Variants in BMP6 observed in about 807,000 individuals in gnomAD.
BMP6 encodes the protein bone morphogenetic protein 6, also known as VG-1-R.
A neutral mutation model predicts 54.1 loss-of-function variants in BMP6; 17 were observed. The ratio of observed to expected loss-of-function variants is 0.31; its 90% CI spans 0.22 to 0.47. The LOEUF is 0.47. Ranked by LOEUF, BMP6 falls within the 20% of genes least tolerant of loss-of-function variation. BMP6 has a pLI of 1.00. For missense variants in BMP6, 720 were observed against 690.4 expected, an observed-to-expected ratio of 1.04 and a Z score of -0.48; for synonymous variants, 328 against 291.2, an observed-to-expected ratio of 1.13 and a Z score of -1.28.
rs755894743 is a variant in BMP6 at position 7,807,913 on chromosome 6, CTTTTT to C, written c.665-37206_665-37202del. On this transcript the variant is annotated intron_variant, in intron 1 of 6. Coordinates refer to ENST00000283147, the MANE Select transcript of BMP6 (RefSeq NM_001718.6). Reference sequence around the variant, plus strand: ...TTGTATTACTAACGGGAAGTCTTTACTTTTTTTTTTTTTTTTTTTTTTTTTGAGAC... The same window carrying C: ...TTGTATTACTAACGGGAAGTCTTTACTTTTTTTTTTTTTTTTTTTTGAGAC... Among the ~76,000 whole-genome samples, 90 of 81,480 alleles carry C rather than the reference CTTTTT, an allele frequency of 1.1e-3. 1 individual carries two copies. Among genetic ancestry groups the C allele is most frequent in the Non-Finnish European group, 1.5e-3 (65 of 44,040 alleles). 53.5% of individuals were successfully genotyped at this position (81,480 alleles called of 152,430 possible).
chr6:7,787,514 A>G (rs1472731332), intron 1 of BMP6, among the ~76,000 whole-genome samples: 1 of 152,236 alleles, frequency 6.6e-6, no homozygotes, highest in Non-Finnish European at 1.5e-5. Context: ...GGCTGCAAAA[A>G]AAGCTCGAAG....
intron 1 of BMP6, among the ~76,000 whole-genome samples, chr6:7,818,656 C>T (rs1406831656): frequency 6.6e-6 from 1 of 152,228 alleles, no homozygotes; most frequent in African/African-American, 2.4e-5. Flanking sequence ...ACAAAGCCAG[C>T]ACATTGGCTC....
chr6:7,790,238 G>T (rs1365152175), intron 1 of BMP6, among the ~76,000 whole-genome samples: 2 of 152,108 alleles, frequency 1.3e-5, no homozygotes, highest in Non-Finnish European at 2.9e-5. Flanking sequence ...CACAAGGCTG[G>T]GTGCAGTGGC....
chr6:7,820,259 C>T (rs1758586097), intron 1 of BMP6, among the ~76,000 whole-genome samples: 1 of 152,160 alleles, frequency 6.6e-6, no homozygotes, highest in African/African-American at 2.4e-5. Context: ...AAGGTTTGCT[C>T]TCTTTTGTTT....
chr6:7,880,220 C>A lies in BMP6; in HGVS notation c.1419C>A (p.Val473=). 1 of 1,614,170 alleles carries A rather than the reference C, an allele frequency of 6.2e-7. No individual in the cohort carries two copies. Among genetic ancestry groups the A allele is most frequent in the East Asian group, 2.2e-5 (1 of 44,886 alleles). ...TLVHLMNPEY[V]PKPCCAPTKL... ...TTCACCTTATGAACCCCGAGTATGTCCCCAAACCGTGCTGTGCGCCAACTA... is the reference window on the plus strand; with the variant it reads ...TTCACCTTATGAACCCCGAGTATGTACCCAAACCGTGCTGTGCGCCAACTA... Residue 473 remains valine, a synonymous_variant, in exon 7 of 7, where the codon GTC becomes GTA. Transcript: ENST00000283147.
At chr6:7,863,144 G>C (rs1347799279) in intron 4 of BMP6, among the ~76,000 whole-genome samples, 1 of 152,064 alleles carries the variant, frequency 6.6e-6, no homozygotes, top group Non-Finnish European at 1.5e-5. Context: ...GACTACAAGT[G>C]CCTGCCACCA....
intron 1 of BMP6, among the ~76,000 whole-genome samples, chr6:7,775,346 G>A (rs968560020): frequency 3.3e-5 from 5 of 152,190 alleles, no homozygotes; most frequent in Non-Finnish European, 7.3e-5. Context: ...AGTGAATGTT[G>A]AAGGTCACAG....
At chr6:7,735,137 C>T (rs377272281) in intron 1 of BMP6, among the ~76,000 whole-genome samples, 9 of 152,350 alleles carry the variant, frequency 5.9e-5, no homozygotes, top group South Asian at 2.1e-4. Context: ...CCCCGGAGCC[C>T]GCTCCACCCT....
intron 2 of BMP6, among the ~76,000 whole-genome samples, chr6:7,856,062 A>G (rs1759226411): frequency 6.9e-6 from 1 of 145,444 alleles, no homozygotes; most frequent in South Asian, 2.2e-4. Context: ...TTGATATTTG[A>G]AACGTCTCTT....
At chr6:7,822,816 G>A (rs1016496229) in intron 1 of BMP6, among the ~76,000 whole-genome samples, 5 of 151,752 alleles carry the variant, frequency 3.3e-5, no homozygotes, top group African/African-American at 1.2e-4. Context: ...AGAGTGTTTT[G>A]GATCTTAAGC....
chr6:7,838,668 C>G (rs1020660246), intron 1 of BMP6, among the ~76,000 whole-genome samples: 1 of 152,092 alleles, frequency 6.6e-6, no homozygotes, highest in Non-Finnish European at 1.5e-5. Context: ...GCTGGCTGGG[C>G]GCGGTGGCTC....
rs563716495 is a variant in BMP6, at chr6:7,810,580, AT to A, written c.665-34559del. Among the ~76,000 whole-genome samples the A allele has an allele frequency of 9.8e-5, 15 of 152,338 alleles. No individual in the cohort carries two copies. The East Asian group carries it at 2.7e-3, about 27-fold the overall frequency. On this transcript the variant is annotated intron_variant, in intron 1 of 6. Transcript: ENST00000283147. ...TGTACTTGGGTAGCTCATGGTATTC[AT>A]ATTTGTCTTAGATCTTTCTTCCTTG... is the stretch of plus-strand genomic sequence containing the variant.
chr6:7,848,531 C>CA (rs1271182188), intron 2 of BMP6, among the ~76,000 whole-genome samples: 5 of 152,152 alleles, frequency 3.3e-5, no homozygotes, highest in Non-Finnish European at 4.4e-5. Flanking sequence ...CCCTGCCTGT[C>CA]AAAGTACCCT....
intron 1 of BMP6, among the ~76,000 whole-genome samples, chr6:7,836,507 G>A (rs1758879048): frequency 1.3e-5 from 2 of 152,184 alleles, no homozygotes; most frequent in Admixed American, 1.3e-4. Context: ...TTGAGCCAAT[G>A]TCAGTTTCCT....
intron 2 of BMP6, among the ~76,000 whole-genome samples, chr6:7,855,466 A>G (rs1759211027): frequency 6.6e-6 from 1 of 151,990 alleles, no homozygotes. Flanking sequence ...CACATGAGCC[A>G]AACTGCCTGG....
intron 1 of BMP6, among the ~76,000 whole-genome samples, chr6:7,734,535 T>G (rs906583650): frequency 2.6e-5 from 4 of 152,152 alleles, no homozygotes; most frequent in Non-Finnish European, 5.9e-5. Context: ...AATCTGGAAT[T>G]GTTGGGGTTT....
chr6:7,727,415 G>A lies in BMP6; in HGVS notation c.460G>A (p.Glu154Lys). Residue 154 changes from glutamate (E) to lysine (K), a missense_variant, in exon 1 of 7, where the codon GAG becomes AAG. This residue lies in a region of BMP6 where 650 missense variants were observed against 556.3 expected (regional missense o/e 1.17). Coordinates refer to ENST00000283147, the MANE Select transcript of BMP6 (RefSeq NM_001718.6). ...CGACAACGACGAGGACGGGGCGTCG[G>A]AGGGGGAGAGGCAGCAGTCCTGGCC... Reference protein sequence around the residue: ...SADNDEDGASEGERQQSWPHE... With the variant: ...SADNDEDGASKGERQQSWPHE... 6.2e-7 allele frequency: 1 copy of A among 1,606,700 alleles called. No individual in the cohort carries two copies. The highest frequency in any genetic ancestry group is 8.5e-7 in the Non-Finnish European group (1 of 1,177,474).
chr6:7,827,438 G>A (rs1228851104), intron 1 of BMP6, among the ~76,000 whole-genome samples: 2 of 152,192 alleles, frequency 1.3e-5, no homozygotes, highest in East Asian at 3.8e-4. Flanking sequence ...ATTAGAGGAG[G>A]GAGAGAGAGT....
At chr6:7,838,065 TTATCCACGGTTTCCG>T (rs1758901468) in intron 1 of BMP6, among the ~76,000 whole-genome samples, 1 of 152,182 alleles carries the variant, frequency 6.6e-6, no homozygotes, top group African/African-American at 2.4e-5. Context: ...TAGTTCCCCC[TTATCCACGGTTTCCG>T]TATCCACAGT....
Sources: gnomAD v4.1 joint callset for allele counts (sites outside exome capture counted in the v4.1 genomes callset) on GRCh38, gnomAD v4.1.1 for gene constraint, gnomAD v4.1.1 regional missense constraint, MANE v1.5 for transcripts, NCBI Gene and HGNC (gene_info 2026-07-23, HGNC 2026-07-21) for gene names.